HK1: variants seen among roughly 807,000 people sequenced by gnomAD.
HK1 encodes the protein hexokinase 1.
HK1 carries 28 observed loss-of-function variants against 91.6 expected under a neutral mutation model. That is an observed-to-expected ratio of 0.31 (90% CI 0.23 to 0.42). The LOEUF is 0.42. Ranked by LOEUF, HK1 falls within the 10% of genes least tolerant of loss-of-function variation. The pLI is 1.00. For missense variants in HK1, 770 were observed against 1,219.8 expected (o/e 0.63, Z 5.49); for synonymous variants, 430 against 468.1 (o/e 0.92, Z 1.05).
chr10:69,333,932 GA>G (rs1847853227), intron 1 of HK1, among the ~76,000 whole-genome samples: 1 of 152,102 alleles, frequency 6.6e-6, no homozygotes, highest in Admixed American at 6.6e-5. Context: ...CCAACATGGT[GA>G]AACCGTGTCT....
intron 3 of HK1, among the ~76,000 whole-genome samples, chr10:69,293,255 C>G (rs368347458): frequency 3.3e-5 from 5 of 152,188 alleles, no homozygotes; most frequent in African/African-American, 1.2e-4. Context: ...CAGCCAGATG[C>G]CCTGGGCATG....
rs780707329 is a variant in HK1, at chr10:69,382,519, G to A, written c.1298G>A (p.Arg433His). 13 of 1,614,074 alleles carry A rather than the reference G, an allele frequency of 8.1e-6. No individual in the cohort carries two copies. The highest frequency in any genetic ancestry group is 2.2e-5 in the East Asian group (1 of 44,892). The stretch of plus-strand genomic sequence containing the variant: ...CGGCGTTTCCACAAGACTCTAAGGC[G>A]CTTGGTGCCAGACTCCGATGTGCGC... ...YSRRFHKTLRRLVPDSDVRFL... is the reference protein window; with the variant it reads ...YSRRFHKTLRHLVPDSDVRFL... Residue 433 changes from arginine (R) to histidine (H), a missense_variant, in exon 10 of 18, where the codon CGC becomes CAC. By Grantham distance (29) the Arg-to-His change is conservative. Transcript: ENST00000359426.
chr10:69,311,015 C>T (rs1480181000), upstream of HK1, among the ~76,000 whole-genome samples: 2 of 151,542 alleles, frequency 1.3e-5, no homozygotes, highest in African/African-American at 2.4e-5. Context: ...CGAGACTGCA[C>T]CACTGCACTT....
upstream of HK1, among the ~76,000 whole-genome samples, chr10:69,312,714 A>C (rs1287371926): frequency 1.3e-5 from 2 of 152,164 alleles, no homozygotes; most frequent in African/African-American, 4.8e-5. Flanking sequence ...TTATCCCTCT[A>C]GGGGTGGTGA....
chr10:69,399,854 A>G (rs547396231), intron 17 of HK1, among the ~76,000 whole-genome samples: 13 of 152,166 alleles, frequency 8.5e-5, no homozygotes, highest in Admixed American at 7.9e-4. Flanking sequence ...AAATGAGGCC[A>G]TAGTGTCACC....
At chr10:69,281,571 ATGT>A (rs71990933) in intron 1 of HK1, among the ~76,000 whole-genome samples, 4,021 of 152,186 alleles carry the variant, frequency 0.026, 86 homozygotes, top group Non-Finnish European at 0.044. Context: ...CCAGGATTAG[ATGT>A]TGTGGCTTCC....
chr10:69,350,157 G>A (rs1848772340), intron 2 of HK1, among the ~76,000 whole-genome samples: 1 of 152,164 alleles, frequency 6.6e-6, no homozygotes, highest in Admixed American at 6.5e-5. Flanking sequence ...GCTTACTTGG[G>A]TTATGTGCCC....
chr10:69,335,214 C>T (rs1348907934), intron 1 of HK1, among the ~76,000 whole-genome samples: 2 of 152,164 alleles, frequency 1.3e-5, no homozygotes, highest in Non-Finnish European at 2.9e-5. Context: ...CATGTGCAGT[C>T]AGGAAGAGGA....
chr10:69,281,475 C>CCT (rs1415091865), intron 1 of HK1, among the ~76,000 whole-genome samples: 2 of 152,328 alleles, frequency 1.3e-5, no homozygotes, highest in Non-Finnish European at 2.9e-5. Flanking sequence ...CTGATCCCTG[C>CCT]CTCAGGGGCC....
At chr10:69,283,308 G>A (rs1844854208) in intron 2 of HK1, among the ~76,000 whole-genome samples, 1 of 148,504 alleles carries the variant, frequency 6.7e-6, no homozygotes, top group East Asian at 2.0e-4. Flanking sequence ...AAAAAAATTA[G>A]CCTGACGTGG....
At chr10:69,336,056 G>A (rs1471794656) in intron 1 of HK1, among the ~76,000 whole-genome samples, 1 of 152,218 alleles carries the variant, frequency 6.6e-6, no homozygotes. Context: ...CTAGTACATA[G>A]AGCTCTAAAG....
chr10:69,371,188 C>T (rs1050807268), intron 7 of HK1, among the ~76,000 whole-genome samples: 2 of 152,170 alleles, frequency 1.3e-5, no homozygotes, highest in Admixed American at 1.3e-4. Context: ...CTAGGTTTCT[C>T]AGTGAGGGAA....
At chr10:69,300,057 C>T (rs191799611) in intron 4 of HK1, among the ~76,000 whole-genome samples, 27 of 151,850 alleles carry the variant, frequency 1.8e-4, no homozygotes, top group African/African-American at 6.6e-4. Flanking sequence ...GCCTCAGCCT[C>T]CCAAAGTGCT....
Position 69,318,913 on chromosome 10 carries a change from C to T in HK1, c.-35C>T, listed in dbSNP as rs538471672. The T allele has an allele frequency of 1.5e-4, 229 of 1,562,566 alleles. 4 individuals carry two copies. In the South Asian group the frequency reaches 2.6e-3, roughly 17 times the overall value. ...CCAGGGCTGCGGAGGACCGACCGTC[C>T]CCACGCCTGCCGCCCCGCGACCCCG... On this transcript the variant is annotated 5_prime_UTR_variant, in exon 1 of 18. Coordinates refer to ENST00000359426, the MANE Select transcript of HK1 (RefSeq NM_000188.3).
intron 4 of HK1, among the ~76,000 whole-genome samples, chr10:69,296,582 G>T (rs1227151667): frequency 2.0e-5 from 3 of 152,248 alleles, no homozygotes; most frequent in Non-Finnish European, 2.9e-5. Context: ...GGGTGAGGGA[G>T]TGGTCAACCC....
At chr10:69,300,184 C>A (rs2132495677) in intron 4 of HK1, among the ~76,000 whole-genome samples, 1 of 151,836 alleles carries the variant, frequency 6.6e-6, no homozygotes, top group Non-Finnish European at 1.5e-5. Context: ...CCCCCAAAAT[C>A]CCTTCACAGT....
chr10:69,311,269 A>T (rs1248671679), upstream of HK1, among the ~76,000 whole-genome samples: 2 of 152,214 alleles, frequency 1.3e-5, no homozygotes, highest in African/African-American at 2.4e-5. Context: ...TGACACCCCC[A>T]TTCCATCATG....
chr10:69,338,740 TGAGA>T, intron 1 of HK1: 1 of 1,243,040 alleles, frequency 8.0e-7, no homozygotes, highest in Non-Finnish European at 1.0e-6. Flanking sequence ...TGTGAGTGTG[TGAGA>T]GTGTGTGTGT....
chr10:69,363,200 G>A (rs1350716143), intron 3 of HK1, among the ~76,000 whole-genome samples: 1 of 152,184 alleles, frequency 6.6e-6, no homozygotes, highest in African/African-American at 2.4e-5. Context: ...GTGTAAGGGA[G>A]GTCTAGTGTC....
Sources: allele counts gnomAD v4.1 joint callset (sites outside exome capture counted in the v4.1 genomes callset), GRCh38; gene constraint gnomAD v4.1.1; transcripts MANE v1.5; gene names NCBI Gene and HGNC (gene_info 2026-07-23, HGNC 2026-07-21).